ASTN2: variants seen among roughly 807,000 people sequenced by gnomAD.
ASTN2 encodes astrotactin 2.
A neutral mutation model predicts 139.8 loss-of-function variants in ASTN2; 54 were observed. The observed-to-expected ratio is 0.39, with a 90% CI of 0.31 to 0.48. The LOEUF is 0.48. Ranked by LOEUF, ASTN2 falls within the 20% of genes least tolerant of loss-of-function variation. ASTN2 has a pLI of 0.95. For missense variants in ASTN2, 1,565 were observed against 1,725.1 expected, an observed-to-expected ratio of 0.91 and a Z score of 1.64; for synonymous variants, 756 against 719.5, an observed-to-expected ratio of 1.05 and a Z score of -0.81.
chr9:117,037,322 G>A (rs1838414102), intron 6 of ASTN2, among the ~76,000 whole-genome samples: 1 of 147,264 alleles, frequency 6.8e-6, no homozygotes, highest in Non-Finnish European at 1.5e-5. Flanking sequence ...CCGCTGTCTC[G>A]GGTAATCCCT....
At chr9:117,127,337 C>T (rs557767403) in intron 4 of ASTN2, among the ~76,000 whole-genome samples, 1 of 152,320 alleles carries the variant, frequency 6.6e-6, no homozygotes, top group Non-Finnish European at 1.5e-5. Context: ...CTAACACCCT[C>T]GGCAGGTAGC....
At chr9:117,213,585 T>TA (rs200136505) in intron 3 of ASTN2, among the ~76,000 whole-genome samples, 3 of 151,968 alleles carry the variant, frequency 2.0e-5, no homozygotes, top group Non-Finnish European at 4.4e-5. Context: ...TTTGTCAATA[T>TA]AAAAAAACAT....
intron 16 of ASTN2, among the ~76,000 whole-genome samples, chr9:116,724,365 C>G (rs150021086): frequency 6.6e-6 from 1 of 152,142 alleles, no homozygotes; most frequent in South Asian, 2.1e-4. Context: ...TAAACCACCC[C>G]GTGCCCCACA....
chr9:117,152,554 G>C (rs1178603842), intron 3 of ASTN2, among the ~76,000 whole-genome samples: 1 of 152,144 alleles, frequency 6.6e-6, no homozygotes, highest in Non-Finnish European at 1.5e-5. Flanking sequence ...TGCTTATCAA[G>C]TTTCTGCTTT....
At chr9:116,446,980 C>T (rs1030500785) in intron 20 of ASTN2, among the ~76,000 whole-genome samples, 2 of 152,090 alleles carry the variant, frequency 1.3e-5, no homozygotes, top group Non-Finnish European at 2.9e-5. Flanking sequence ...GGACAAAGTC[C>T]ATCACTCTCA....
chr9:117,377,770 T>A (rs1261550543), intron 1 of ASTN2, among the ~76,000 whole-genome samples: 2 of 152,012 alleles, frequency 1.3e-5, no homozygotes, highest in African/African-American at 4.8e-5. Flanking sequence ...TCATTACAAA[T>A]AATGATATGG....
At chr9:117,281,239 T>G (rs1834316602) in intron 2 of ASTN2, among the ~76,000 whole-genome samples, 1 of 152,108 alleles carries the variant, frequency 6.6e-6, no homozygotes, top group African/African-American at 2.4e-5. Flanking sequence ...CTCAGCCCCA[T>G]GAATGTGGAT....
chr9:117,308,231 A>G (rs896502958), intron 1 of ASTN2, among the ~76,000 whole-genome samples: 5 of 151,608 alleles, frequency 3.3e-5, no homozygotes, highest in Non-Finnish European at 7.4e-5. Context: ...CAATCAATCA[A>G]TCAATCAATC....
intron 17 of ASTN2, among the ~76,000 whole-genome samples, chr9:116,637,872 C>T (rs909258844): frequency 5.3e-5 from 8 of 152,066 alleles, no homozygotes; most frequent in African/African-American, 9.7e-5. Context: ...CCAGGGAGAT[C>T]GAGGCTACAG....
intron 5 of ASTN2, among the ~76,000 whole-genome samples, chr9:117,060,484 G>GAAA (rs1839246224): frequency 5.2e-5 from 3 of 57,952 alleles, no homozygotes; most frequent in Non-Finnish European, 6.2e-5. Flanking sequence ...AAGGAAGGAA[G>GAAA]GAATGAAAGA....
At chr9:116,939,123 T>A (rs1835157460) in intron 10 of ASTN2, among the ~76,000 whole-genome samples, 1 of 152,168 alleles carries the variant, frequency 6.6e-6, no homozygotes, top group South Asian at 2.1e-4. Context: ...CCCGGTTCTG[T>A]CACTAGCTGG....
At chr9:116,658,224 G>A (rs182010828) in intron 16 of ASTN2, among the ~76,000 whole-genome samples, 1 of 152,244 alleles carries the variant, frequency 6.6e-6, no homozygotes, top group Admixed American at 6.5e-5. Context: ...CCTCAGGAGT[G>A]CCACTTGGAG....
intron 16 of ASTN2, chr9:116,686,754 C>A: frequency 1.9e-6 from 3 of 1,550,634 alleles, no homozygotes; most frequent in Non-Finnish European, 2.6e-6. Context: ...CCTCTGCTGT[C>A]GGCCTCCCAG....
chr9:117,295,498 C>G (rs1213000819), intron 1 of ASTN2, among the ~76,000 whole-genome samples: 3 of 151,980 alleles, frequency 2.0e-5, no homozygotes, highest in Middle Eastern at 3.2e-3. Flanking sequence ...ATAATACATG[C>G]TCAGTAAATA....
At chr9:116,746,285 A>G (rs565204921) in intron 13 of ASTN2, among the ~76,000 whole-genome samples, 15 of 151,628 alleles carry the variant, frequency 9.9e-5, no homozygotes, top group African/African-American at 3.6e-4. Context: ...ATGGGGTTTC[A>G]CTGTGTTGGT....
chr9:116,878,327 G>A (rs1833358338), intron 10 of ASTN2, among the ~76,000 whole-genome samples: 1 of 152,130 alleles, frequency 6.6e-6, no homozygotes, highest in African/African-American at 2.4e-5. Flanking sequence ...TGACAGACTG[G>A]ATAAAGAAAA....
intron 18 of ASTN2, among the ~76,000 whole-genome samples, chr9:116,618,770 T>C (rs59089694): frequency 0.15 from 22,651 of 152,160 alleles, 1,824 homozygotes; most frequent in Middle Eastern, 0.2. Context: ...CATATATTTA[T>C]ACTATATTCT....
chr9:116,626,729 C>T (rs1856483052), intron 17 of ASTN2, among the ~76,000 whole-genome samples: 2 of 152,066 alleles, frequency 1.3e-5, no homozygotes, highest in African/African-American at 4.8e-5. Flanking sequence ...TGGTTGACAT[C>T]CCAACTTTAT....
chr9:117,112,422 G>A (rs1829273754), intron 4 of ASTN2, among the ~76,000 whole-genome samples: 1 of 152,114 alleles, frequency 6.6e-6, no homozygotes, highest in Non-Finnish European at 1.5e-5. Context: ...AGACAGTGTT[G>A]TATTGGCTAA....
Sources: allele counts gnomAD v4.1 joint callset (sites outside exome capture counted in the v4.1 genomes callset), GRCh38; gene constraint gnomAD v4.1.1; transcripts MANE v1.5; gene names NCBI Gene and HGNC (gene_info 2026-07-23, HGNC 2026-07-21).